PPL: variants seen among roughly 807,000 people sequenced by gnomAD.
The protein encoded by PPL is periplakin.
Under a neutral mutation model 194.4 loss-of-function variants are expected in PPL, and 198 were observed. That is an observed-to-expected ratio of 1.02 (90% CI 0.91 to 1.15). PPL has a LOEUF of 1.15. PPL is among the 50% of genes most tolerant of loss of function. The pLI is 0.00. For missense variants in PPL, 2,885 were observed against 2,294.8 expected (o/e 1.26, Z -5.25); for synonymous variants, 1,220 against 972.4 (o/e 1.25, Z -4.74).
At chr16:4,887,987 G>T in intron 20 of PPL, 115 bp downstream of exon 20, 1 of 739,492 alleles carries the variant, frequency 1.4e-6, no homozygotes. Context: ...GGCTCTCAGT[G>T]GCTTCCCTGT....
rs1340336522 is a variant in PPL at position 4,901,107 on chromosome 16, G to A, written c.439-18C>T. On this transcript the variant is annotated intron_variant, in intron 4 of 21. Coordinates refer to ENST00000345988, the MANE Select transcript of PPL (RefSeq NM_002705.5). ...AGCTTGTCCTGGCCAGGAGGGCAGA[G>A]AAGCAATAAGGAGAGGGTGGGCTGA... 6.2e-7 allele frequency: 1 copy of A among 1,613,598 alleles called. No individual in the cohort carries two copies. Among genetic ancestry groups the A allele is most frequent in the Non-Finnish European group, 8.5e-7 (1 of 1,179,772 alleles).
chr16:4,909,500 C>T (rs938547338), intron 2 of PPL, among the ~76,000 whole-genome samples: 1 of 147,996 alleles, frequency 6.8e-6, no homozygotes, highest in African/African-American at 2.5e-5. Context: ...GATCTTGGCT[C>T]ACTGCAACCT....
chr16:4,929,926 C>A (rs1168146907), intron 1 of PPL, among the ~76,000 whole-genome samples: 1 of 151,862 alleles, frequency 6.6e-6, no homozygotes, highest in African/African-American at 2.4e-5. Flanking sequence ...GGCCTCAAGT[C>A]ATCCTCCCGC....
chr16:4,889,241 G>GTTGTTTTTTT (rs2088274147), intron 18 of PPL, among the ~76,000 whole-genome samples, 180 bp from the exon 19 acceptor site: 2 of 66,636 alleles, frequency 3.0e-5, no homozygotes, highest in Non-Finnish European at 5.0e-5. Flanking sequence ...TGTTGTTGTT[G>GTTGTTTTTTT]TTTTTTTTTT....
At chr16:4,931,752 C>A (rs1298575798) in intron 1 of PPL, among the ~76,000 whole-genome samples, 3 of 152,290 alleles carry the variant, frequency 2.0e-5, no homozygotes, top group Non-Finnish European at 4.4e-5. Flanking sequence ...CCAACCACAC[C>A]CTTAGGGTAT....
chr16:4,900,940 C>G (rs1384740654), intron 5 of PPL, 24 bp downstream of exon 5: 3 of 1,613,906 alleles, frequency 1.9e-6, no homozygotes, highest in African/African-American at 2.7e-5. Flanking sequence ...CCCTGGGTCC[C>G]CACCACACCA....
chr16:4,924,423 T>C (rs1006127438), intron 1 of PPL, among the ~76,000 whole-genome samples: 18 of 152,230 alleles, frequency 1.2e-4, no homozygotes, highest in African/African-American at 3.9e-4. Context: ...GGACCTGCTT[T>C]GCTCTAAGCC....
intron 17 of PPL, among the ~76,000 whole-genome samples, 181 bp from the exon 18 acceptor site, chr16:4,890,515 C>A (rs1000834824): frequency 6.6e-6 from 1 of 152,066 alleles, no homozygotes; most frequent in Non-Finnish European, 1.5e-5. Context: ...CCAGGTGGGT[C>A]CATATACATT....
chr16:4,900,453 T>TTTTTTTTTTTTTTTTTTTTG (rs1568014932), intron 6 of PPL, among the ~76,000 whole-genome samples: 1 of 128,638 alleles, frequency 7.8e-6, no homozygotes. Context: ...TTTTTTTTTT[T>TTTTTTTTTTTTTTTTTTTTG]TTTAAAGGCA....
intron 1 of PPL, among the ~76,000 whole-genome samples, chr16:4,913,573 G>C (rs570406279): frequency 6.6e-6 from 1 of 152,338 alleles, no homozygotes; most frequent in South Asian, 2.1e-4. Flanking sequence ...GTCTCACTCT[G>C]TCACCCAGGC....
Position 4,883,209 on chromosome 16 carries a change from G to T in PPL, c.*175C>A. 1.3e-6 allele frequency: 1 copy of T among 791,354 alleles called. No individual in the cohort carries two copies. The highest frequency in any genetic ancestry group is 2.0e-6 in the Non-Finnish European group (1 of 500,052). 49.0% of individuals were successfully genotyped at this position (791,354 alleles called of 1,614,324 possible). A position where few individuals can be genotyped will look rare whatever the true frequency, so the allele number is the denominator to read the frequency against. On this transcript the variant is annotated 3_prime_UTR_variant, in exon 22 of 22. Transcript: ENST00000345988. This position sits in a 1 kb window ranked among gnomAD's most constrained non-coding sequence, Gnocchi z 4.8. The stretch of plus-strand genomic sequence containing the variant: ...ATGATGGTTGGGACGAGAGTTGCCT[G>T]TCTTCAGCCAGTGCCTGTCTCATAT...
At chr16:4,895,479 G>A (rs942098217) in intron 10 of PPL, 72 bp from the exon 11 acceptor site, 4 of 1,603,324 alleles carry the variant, frequency 2.5e-6, no homozygotes, top group African/African-American at 2.7e-5. Context: ...GCAGAGCAGG[G>A]GCTGGATTCA....
intron 8 of PPL, 36 bp from the exon 9 acceptor site, chr16:4,897,806 A>C (rs2088463821): frequency 6.4e-7 from 1 of 1,554,566 alleles, no homozygotes; most frequent in Non-Finnish European, 8.9e-7. Context: ...ACCACTGGGC[A>C]GGTACTGCAG....
intron 1 of PPL, among the ~76,000 whole-genome samples, chr16:4,915,857 C>T (rs1049030320): frequency 6.6e-6 from 1 of 152,146 alleles, no homozygotes; most frequent in African/African-American, 2.4e-5. Context: ...GGTTAAATAA[C>T]TCTCCCAAAG....
intron 17 of PPL, 62 bp from the exon 18 acceptor site, chr16:4,890,396 T>A (rs925920302): frequency 5.0e-5 from 74 of 1,475,712 alleles, no homozygotes; most frequent in Admixed American, 1.0e-4. Flanking sequence ...GAGCCCTCAT[T>A]TTTTTTTTTA....
At chr16:4,932,909 C>G (rs58672549) in intron 1 of PPL, among the ~76,000 whole-genome samples, 10,573 of 152,104 alleles carry the variant, frequency 0.07, 528 homozygotes, top group African/African-American at 0.13. Context: ...GGCTCGGAGA[C>G]ATTAAGTGAC....
chr16:4,883,925 A>AG lies in PPL; in HGVS notation c.4729dup (p.Leu1577ProfsTer33). 1 of 1,613,992 alleles carries AG rather than the reference A, an allele frequency of 6.2e-7. No individual in the cohort carries two copies. Among genetic ancestry groups the AG allele is most frequent in the South Asian group, 1.1e-5 (1 of 91,082 alleles). ...TTCCGATTGGAGCCTTCGGGTCTCC[A>AG]GCTGCAGGTTTTGCCTCTCCAGCTG... On this transcript the variant is annotated frameshift_variant, in exon 22 of 22. Transcript: ENST00000345988. LOFTEE classifies it high-confidence loss of function. The surrounding 1 kb of genome is among the most constrained non-coding windows in gnomAD (Gnocchi z 4.8).
At position 4,895,629 on chromosome 16, in the gene PPL, G is replaced by A. The variant is rs773828326; in HGVS notation, c.1060C>T (p.Arg354Trp). Residue 354 changes from arginine to tryptophan, a missense_variant, in exon 10 of 22, where the codon CGG (arginine) becomes TGG (tryptophan). Transcript: ENST00000345988. ...CGCAGCAGCAGCTCAATCTGGTACC[G>A]GTCCTTGAAGTCAGGGCCATACTTC... ...NQKYGPDFKD[R>W]YQIELLLREL... 7.4e-6 allele frequency: 12 copies of A among 1,614,034 alleles called. No individual in the cohort carries two copies. The South Asian group carries it at 8.8e-5, about 12-fold the overall frequency.
rs765997348 is a variant in PPL at position 4,883,624 on chromosome 16, G to A, written c.5031C>T (p.Ala1677=). The A allele has an allele frequency of 8.1e-6, 13 of 1,614,190 alleles. No homozygotes were observed. In the South Asian group the frequency reaches 8.8e-5, roughly 11 times the overall value. ...RELSPEEAHR[A]GLIDWNMFVK... is the part of the protein sequence containing the mutation. ...CGAACATGTTCCAGTCAATGAGCCC[G>A]GCACGGTGGGCTTCCTCCGGGGACA... Residue 1677 remains alanine, a synonymous_variant, in exon 22 of 22, where the codon GCC becomes GCT. Transcript: ENST00000345988. This position sits in a 1 kb window ranked among gnomAD's most constrained non-coding sequence, Gnocchi z 4.8.
Sources: gnomAD v4.1 joint callset for allele counts (sites outside exome capture counted in the v4.1 genomes callset) on GRCh38, gnomAD v4.1.1 for gene constraint, Gnocchi (gnomAD v3.1) non-coding constraint, MANE v1.5 for transcripts, NCBI Gene and HGNC (gene_info 2026-07-23, HGNC 2026-07-21) for gene names.